KLC4: variants seen among roughly 807,000 people sequenced by gnomAD.
KLC4 encodes the protein kinesin light chain 4.
Under a neutral mutation model 77.2 loss-of-function variants are expected in KLC4, and 49 were observed. That is an observed-to-expected ratio of 0.63 (90% CI 0.50 to 0.80). The LOEUF is 0.80. Ranked by LOEUF, KLC4 falls within the 30% of genes least tolerant of loss-of-function variation. KLC4 has a pLI of 0.00. For synonymous variants in KLC4, 274 were observed against 314.5 expected (o/e 0.87, Z 1.36); for missense variants, 669 against 793.5 (o/e 0.84, Z 1.89).
At chr6:43,072,780 G>T in intron 12 of KLC4, 44 bp from the exon 13 acceptor site, 1 of 1,600,806 alleles carries the variant, frequency 6.2e-7, no homozygotes, top group Non-Finnish European at 8.5e-7. Flanking sequence ...CCATCCTGAG[G>T]AGTTAAGGAG....
chr6:43,068,277 T>G (rs908177745), intron 6 of KLC4, among the ~76,000 whole-genome samples: 28 of 149,706 alleles, frequency 1.9e-4, no homozygotes, highest in Admixed American at 3.3e-4. Context: ...TTCAAGACCA[T>G]CCTGGCCAAC....
chr6:43,062,980 C>T lies in KLC4; in HGVS notation c.322C>T (p.Gln108Ter). The T allele has an allele frequency of 6.2e-7, 1 of 1,614,228 alleles. No individual in the cohort carries two copies. Residue 108 changes from glutamine (Q) to a stop codon, truncating the protein, a stop_gained, in exon 3 of 16, where the codon CAG (glutamine) becomes TAG (stop). Coordinates refer to ENST00000347162, the MANE Select transcript of KLC4 (RefSeq NM_201521.3). LOFTEE classifies it high-confidence loss of function. ...GTCGGAGAAACAGAAGCTGCGGGCT[C>T]AGGTGCGGCGGCTATGCCAGGAGAA... ...VESEKQKLRA[Q>*]VRRLCQENQW...
In KLC4 at chr6:43,061,606, AGGT is replaced by A; in HGVS notation, c.258+18_258+20del. The A allele has an allele frequency of 6.2e-7, 1 of 1,602,486 alleles. No homozygotes were observed. The highest frequency in any genetic ancestry group is 8.5e-7 in the Non-Finnish European group (1 of 1,171,802). ...GAGTGAGGCCCAGGTGAGAGGGCAAAGGTGGTGCCAAGTGGTCCAGGGTGGATG... is the reference window on the plus strand; with the variant it reads ...GAGTGAGGCCCAGGTGAGAGGGCAAAGGTGCCAAGTGGTCCAGGGTGGATG... On this transcript the variant is annotated intron_variant, in intron 2 of 15. Transcript: ENST00000347162.
intron 12 of KLC4, 174 bp from the exon 13 acceptor site, chr6:43,072,650 A>G (rs904825020): frequency 3.2e-6 from 2 of 626,386 alleles, no homozygotes; most frequent in Non-Finnish European, 5.6e-6. Flanking sequence ...ATACAGATCT[A>G]TATATAGCAA....
intron 1 of KLC4, 40 bp downstream of exon 1, chr6:43,059,725 C>G (rs1765034778): frequency 1.6e-6 from 2 of 1,259,030 alleles, no homozygotes; most frequent in Non-Finnish European, 2.0e-6. Context: ...AGGTTAAGGT[C>G]TCTGCCATCT....
rs371758682 is a variant in KLC4, at chr6:43,066,492, C to T, written c.758C>T (p.Ala253Val). ...TCAGGCCGTGGCCACCCTGATGTCGCCACCATGCTCAACATCCTTGCTTTG... is the reference window on the plus strand; with the variant it reads ...TCAGGCCGTGGCCACCCTGATGTCGTCACCATGCTCAACATCCTTGCTTTG... The part of the protein sequence containing the change: ...RTSGRGHPDV[A>V]TMLNILALVY... Residue 253 changes from alanine (A) to valine (V), a missense_variant, in exon 5 of 16, where the codon GCC (alanine) becomes GTC (valine). Physicochemically the swap from Ala to Val is moderately conservative, Grantham distance 64. Transcript: ENST00000347162. 16 of 1,613,680 alleles carry T rather than the reference C, an allele frequency of 9.9e-6. No homozygotes were observed. Among genetic ancestry groups the T allele is most frequent in the Non-Finnish European group, 1.2e-5 (14 of 1,179,756 alleles).
At chr6:43,067,135 T>TGGGG in intron 6 of KLC4, 52 bp downstream of exon 6, 1 of 1,054,888 alleles carries the variant, frequency 9.5e-7, no homozygotes, top group Non-Finnish European at 1.3e-6. Flanking sequence ...CCACCATTGC[T>TGGGG]GTTTTGGCCT....
Position 43,066,858 on chromosome 6 carries a change from C to T in KLC4, c.792-138C>T, listed in dbSNP as rs1439999073. The T allele has an allele frequency of 2.3e-6, 3 of 1,289,444 alleles. No individual in the cohort carries two copies. The African/African-American group carries it at 4.5e-5, about 19-fold the overall frequency. The allele number at this position is 1,289,444 out of a possible 1,614,324, so 79.9% of individuals were successfully genotyped here. A position where few individuals can be genotyped will look rare whatever the true frequency, so the allele number is the denominator to read the frequency against. On this transcript the variant is annotated intron_variant, in intron 5 of 15. Coordinates refer to ENST00000347162, the MANE Select transcript of KLC4 (RefSeq NM_201521.3). Reference sequence around the variant, plus strand: ...GGTATGAGTATGTCAGTGAAGCCCCCTTACTGTCCACGCCAGGCTTCCTGT... The same window carrying T: ...GGTATGAGTATGTCAGTGAAGCCCCTTTACTGTCCACGCCAGGCTTCCTGT...
intron 1 of KLC4, 135 bp downstream of exon 1, chr6:43,059,820 G>A: frequency 1.7e-6 from 2 of 1,164,328 alleles, no homozygotes. Context: ...CGCCCTTCGC[G>A]ATTCTTCCCC....
intron 14 of KLC4, 187 bp downstream of exon 14, chr6:43,073,525 T>TA: frequency 5.6e-6 from 3 of 538,970 alleles, no homozygotes; most frequent in Non-Finnish European, 1.0e-5. Flanking sequence ...CAGGTGCCTG[T>TA]AATCTCAGCT....
At position 43,063,400 on chromosome 6, in the gene KLC4, G is replaced by A. The variant is rs114831741; in HGVS notation, c.489+253G>A. ...CATTGTGCACTGCACTGGTGAATGG[G>A]GCACACAGAGTTCCTGCTCTCACAA... On this transcript the variant is annotated intron_variant, in intron 3 of 15. Transcript: ENST00000347162. 1.9e-3 allele frequency among the ~76,000 whole-genome samples: 296 copies of A among 152,278 alleles called. 2 individuals are homozygous for A. Among genetic ancestry groups the A allele is most frequent in the African/African-American group, 6.7e-3 (279 of 41,530 alleles).
At chr6:43,067,271 G>GAGAAT in intron 6 of KLC4, 188 bp downstream of exon 6, 1 of 1,247,516 alleles carries the variant, frequency 8.0e-7, no homozygotes, top group Non-Finnish European at 1.0e-6. Context: ...CTGAGACTCA[G>GAGAAT]TGACTCCTTT....
In KLC4 at chr6:43,067,027, C is replaced by T. The variant is rs1765468114; in HGVS notation, c.823C>T (p.Leu275=). Residue 275 remains leucine, a synonymous_variant, in exon 6 of 16, where the codon CTG becomes TTG. Coordinates refer to ENST00000347162, the MANE Select transcript of KLC4 (RefSeq NM_201521.3). ...DQNKYKEAAH[L]LNDALSIRES... Reference sequence around the variant, plus strand: ...GAATAAGTATAAGGAAGCTGCCCACCTGCTGAATGATGCCCTTAGCATCCG... The same window carrying T: ...GAATAAGTATAAGGAAGCTGCCCACTTGCTGAATGATGCCCTTAGCATCCG... The T allele has an allele frequency of 6.2e-7, 1 of 1,614,022 alleles. No individual in the cohort carries two copies. The highest frequency in any genetic ancestry group is 8.5e-7 in the Non-Finnish European group (1 of 1,179,908).
chr6:43,066,266 G>A (rs1462139575), intron 4 of KLC4, 40 bp from the exon 5 acceptor site: 3 of 1,538,040 alleles, frequency 2.0e-6, no homozygotes, highest in East Asian at 4.5e-5. Context: ...CAGCAAAGGG[G>A]AGAGGAAGAG....
At chr6:43,066,622 C>T in intron 5 of KLC4, 97 bp downstream of exon 5, 2 of 1,086,880 alleles carry the variant, frequency 1.8e-6, no homozygotes, top group Non-Finnish European at 2.7e-6. Context: ...GGTACCTCTC[C>T]TCCCTGTTGG....
In KLC4 at chr6:43,071,688, A is replaced by G. The variant is rs368402765; in HGVS notation, c.1308+69A>G. 7 of 1,532,196 alleles carry G rather than the reference A, an allele frequency of 4.6e-6. No homozygotes were observed. In the African/African-American group the frequency reaches 5.5e-5, roughly 12 times the overall value. The allele number at this position is 1,532,196 out of a possible 1,614,324, so 94.9% of individuals were successfully genotyped here. On this transcript the variant is annotated intron_variant, in intron 10 of 15. Coordinates refer to ENST00000347162, the MANE Select transcript of KLC4 (RefSeq NM_201521.3). ...CCGGGGTCTCTGTCTTACTCCTTGC[A>G]TTAGCCCAACTCTCACTTCCCATCC...
chr6:43,060,984 C>T (rs567283962), intron 1 of KLC4: 1 of 300,956 alleles, frequency 3.3e-6, no homozygotes, highest in East Asian at 7.1e-5. Flanking sequence ...TCTCTCATCC[C>T]TTGATTCCTT....
intron 12 of KLC4, chr6:43,072,605 A>C: frequency 1.7e-6 from 1 of 582,558 alleles, no homozygotes; most frequent in Non-Finnish European, 3.0e-6. Context: ...TAGGTTGTGA[A>C]ATCAATTCAG....
At position 43,067,668 on chromosome 6, in the gene KLC4, G is replaced by A. The variant is rs536186970; in HGVS notation, c.879+585G>A. Among the ~76,000 whole-genome samples the A allele has an allele frequency of 2.7e-4, 41 of 150,724 alleles. No homozygotes were observed. The South Asian group carries it at 8.2e-3, about 30-fold the overall frequency. On this transcript the variant is annotated intron_variant, in intron 6 of 15. Transcript: ENST00000347162. Reference sequence around the variant, plus strand: ...AAAAATGCCGGGCGTGGTGGCGGGCGCCTGTAGTCCTAGCTACTCGGGAGG... The same window carrying A: ...AAAAATGCCGGGCGTGGTGGCGGGCACCTGTAGTCCTAGCTACTCGGGAGG...
Sources: gnomAD v4.1 joint callset for allele counts (sites outside exome capture counted in the v4.1 genomes callset) on GRCh38, gnomAD v4.1.1 for gene constraint, MANE v1.5 for transcripts, NCBI Gene and HGNC (gene_info 2026-07-23, HGNC 2026-07-21) for gene names.